STK32B: variants seen among roughly 807,000 people sequenced by gnomAD.
STK32B encodes serine/threonine kinase 32B, also known as serine/threonine-protein kinase 32B.
A neutral mutation model predicts 52.6 loss-of-function variants in STK32B; 43 were observed. The ratio of observed to expected loss-of-function variants is 0.82; its 90% CI spans 0.64 to 1.05. The LOEUF (loss-of-function observed/expected upper bound fraction) is 1.05. STK32B is among the 50% of genes least tolerant of loss of function. The pLI, the probability that STK32B is intolerant of heterozygous loss-of-function variation, is 0.00. For synonymous variants in STK32B, 238 were observed against 204.3 expected, an observed-to-expected ratio of 1.17 and a Z score of -1.41; for missense variants, 621 against 534.6, an observed-to-expected ratio of 1.16 and a Z score of -1.59.
At chr4:5,226,827 T>C (rs1480178751) in intron 3 of STK32B, among the ~76,000 whole-genome samples, 1 of 152,224 alleles carries the variant, frequency 6.6e-6, no homozygotes, top group Non-Finnish European at 1.5e-5. Flanking sequence ...ATATAGGGTT[T>C]GGTAATATCT....
chr4:5,270,210 C>A (rs767541916), intron 3 of STK32B, among the ~76,000 whole-genome samples: 4 of 152,136 alleles, frequency 2.6e-5, no homozygotes, highest in Non-Finnish European at 5.9e-5. Flanking sequence ...TATTGACTCA[C>A]ACGATTACAG....
chr4:5,301,480 A>G (rs11729885), intron 3 of STK32B, among the ~76,000 whole-genome samples: 19,416 of 151,626 alleles, frequency 0.13, 2,805 homozygotes, highest in African/African-American at 0.36. Flanking sequence ...CAGATTTTCT[A>G]TTTCTTCTTG....
intron 1 of STK32B, among the ~76,000 whole-genome samples, chr4:5,054,804 A>G (rs1305917864): frequency 6.6e-6 from 1 of 152,232 alleles, no homozygotes; most frequent in African/African-American, 2.4e-5. Flanking sequence ...ATGTTAAACC[A>G]CAGCTAAATA....
intron 1 of STK32B, among the ~76,000 whole-genome samples, chr4:5,113,520 GGTTT>G (rs1204827334): frequency 6.6e-6 from 1 of 151,714 alleles, no homozygotes; most frequent in Admixed American, 6.6e-5. Context: ...TAAGGTTTTG[GGTTT>G]GTTTATTACA....
chr4:5,410,748 C>A (rs746762136), intron 5 of STK32B, among the ~76,000 whole-genome samples: 2 of 152,174 alleles, frequency 1.3e-5, no homozygotes, highest in African/African-American at 2.4e-5. Flanking sequence ...TATGATATCC[C>A]TACAAACAAT....
At chr4:5,440,278 C>G (rs898421470) in intron 6 of STK32B, among the ~76,000 whole-genome samples, 2 of 152,054 alleles carry the variant, frequency 1.3e-5, no homozygotes, top group African/African-American at 2.4e-5. Context: ...CTTTTATTTC[C>G]TTGAGCAGTG....
At chr4:5,142,744 A>G (rs1042473706) in intron 2 of STK32B, among the ~76,000 whole-genome samples, 2 of 152,222 alleles carry the variant, frequency 1.3e-5, no homozygotes, top group African/African-American at 4.8e-5. Flanking sequence ...TTATGTATCA[A>G]CTGGGCTAGG....
At chr4:5,209,088 C>T (rs1460255467) in intron 3 of STK32B, among the ~76,000 whole-genome samples, 2 of 152,218 alleles carry the variant, frequency 1.3e-5, no homozygotes, top group African/African-American at 4.8e-5. Context: ...AGCTGCCTCC[C>T]CCTCAGCACT....
At position 5,331,299 on chromosome 4, in the gene STK32B, C is replaced by A; in HGVS notation, c.340C>A (p.Gln114Lys). ...LGGDLRYHLQ[Q>K]NVHFTEGTVK... Reference sequence around the variant, plus strand: ...AGGCGACCTGCGCTACCATCTGCAGCAGAATGTGCATTTCACAGAGGGGAC... The same window carrying A: ...AGGCGACCTGCGCTACCATCTGCAGAAGAATGTGCATTTCACAGAGGGGAC... Residue 114 changes from glutamine (Q) to lysine (K), a missense_variant, in exon 4 of 12, where the codon CAG becomes AAG. Transcript: ENST00000282908. 6.2e-7 allele frequency: 1 copy of A among 1,613,968 alleles called. No individual in the cohort carries two copies. The highest frequency in any genetic ancestry group is 8.5e-7 in the Non-Finnish European group (1 of 1,179,924).
intron 4 of STK32B, among the ~76,000 whole-genome samples, chr4:5,377,854 A>G (rs1233446692): frequency 2.0e-5 from 3 of 152,202 alleles, no homozygotes; most frequent in Non-Finnish European, 4.4e-5. Context: ...CTGTGAGTCA[A>G]TTAAACCTCT....
intron 4 of STK32B, among the ~76,000 whole-genome samples, chr4:5,347,538 C>A (rs765789910): frequency 3.9e-5 from 6 of 152,152 alleles, no homozygotes; most frequent in Non-Finnish European, 7.3e-5. Flanking sequence ...AGCCTTAAAA[C>A]TGAAAGAGTG....
chr4:5,026,693 G>T, the STK32B span, among the ~76,000 whole-genome samples: 2 of 152,174 alleles, frequency 1.3e-5, no homozygotes, highest in African/African-American at 4.8e-5. Context: ...CCTGCTGTTG[G>T]CTGTGGCCTC....
intron 11 of STK32B, among the ~76,000 whole-genome samples, chr4:5,493,322 T>G (rs1485296807): frequency 6.6e-6 from 1 of 152,100 alleles, no homozygotes; most frequent in Non-Finnish European, 1.5e-5. Flanking sequence ...GTGTATGTGT[T>G]GAGGAATTCA....
chr4:5,452,931 C>T (rs1716137312), intron 7 of STK32B, among the ~76,000 whole-genome samples: 1 of 151,872 alleles, frequency 6.6e-6, no homozygotes, highest in African/African-American at 2.4e-5. Flanking sequence ...CACAGCATAT[C>T]CTAAGGCCAG....
intron 3 of STK32B, among the ~76,000 whole-genome samples, chr4:5,250,753 C>T (rs1158417994): frequency 1.3e-5 from 2 of 152,086 alleles, no homozygotes; most frequent in African/African-American, 4.8e-5. Flanking sequence ...TAATAATAGC[C>T]ATTCTGACTG....
At chr4:5,074,895 C>T (rs2108770238) in intron 1 of STK32B, among the ~76,000 whole-genome samples, 1 of 152,112 alleles carries the variant, frequency 6.6e-6, no homozygotes, top group South Asian at 2.1e-4. Flanking sequence ...TAGAGTGTAT[C>T]CTTCACTTCT....
Position 5,498,932 on chromosome 4 carries a change from T to C in STK32B, c.1107-13T>C. 6.2e-7 allele frequency: 1 copy of C among 1,610,232 alleles called. No individual in the cohort carries two copies. The highest frequency in any genetic ancestry group is 1.1e-5 in the South Asian group (1 of 90,342). The stretch of plus-strand genomic sequence containing the variant: ...ATGCCGCACCACTAACTCAGATCTG[T>C]GCTTGTTTGCAGGCTCAGGAGGCAG... On this transcript the variant is annotated splice_polypyrimidine_tract_variant and intron_variant, in intron 11 of 11. Transcript: ENST00000282908.
intron 1 of STK32B, among the ~76,000 whole-genome samples, chr4:5,069,163 T>C (rs1711602181): frequency 6.6e-6 from 1 of 151,340 alleles, no homozygotes; most frequent in Admixed American, 6.6e-5. Context: ...GGGGTTTGTG[T>C]TTTAGTTCAA....
chr4:5,080,678 A>G (rs933767910), intron 1 of STK32B, among the ~76,000 whole-genome samples: 5 of 152,204 alleles, frequency 3.3e-5, no homozygotes, highest in African/African-American at 4.8e-5. Context: ...AAAATTGTAC[A>G]TATTTAAGGT....
Sources: allele counts gnomAD v4.1 joint callset (sites outside exome capture counted in the v4.1 genomes callset), GRCh38; gene constraint gnomAD v4.1.1; transcripts MANE v1.5; gene names NCBI Gene and HGNC (gene_info 2026-07-23, HGNC 2026-07-21).